GNG2: variants seen among roughly 807,000 people sequenced by gnomAD.
GNG2 encodes guanine nucleotide-binding protein G(I)/G(S)/G(O) subunit gamma-2.
In GNG2, 5 loss-of-function variants were observed where a neutral mutation model predicts 5.5. The ratio of observed to expected loss-of-function variants is 0.91; its 90% CI spans 0.48 to 1.92. GNG2 has a LOEUF of 1.92. Ranked by LOEUF, GNG2 falls within the 30% of genes most tolerant of loss-of-function variation. The pLI is 0.01. For missense variants in GNG2, 55 were observed against 88.4 expected (o/e 0.62, Z 1.52); for synonymous variants, 28 against 32.0 (o/e 0.88, Z 0.42).
intron 3 of GNG2, among the ~76,000 whole-genome samples, chr14:51,963,847 C>G (rs1450906347): frequency 6.6e-6 from 1 of 152,124 alleles, no homozygotes; most frequent in Non-Finnish European, 1.5e-5. Flanking sequence ...AACTCAATGT[C>G]TGGAACAAAA....
chr14:51,926,958 T>A (rs894071300), intron 2 of GNG2, among the ~76,000 whole-genome samples: 9 of 152,208 alleles, frequency 5.9e-5, no homozygotes, highest in African/African-American at 2.2e-4. Context: ...AAGTGGACAG[T>A]CAGTCCAGCA....
chr14:51,941,948 A>G (rs991487525), intron 2 of GNG2, among the ~76,000 whole-genome samples: 3 of 152,210 alleles, frequency 2.0e-5, no homozygotes, highest in Non-Finnish European at 4.4e-5. Context: ...ATTCTTTCAG[A>G]ATTCTATCAA....
At chr14:51,847,908 T>C (rs1225228822) in intron 2 of GNG2, among the ~76,000 whole-genome samples, 1 of 66,206 alleles carries the variant, frequency 1.5e-5, no homozygotes, top group Non-Finnish European at 3.5e-5. Flanking sequence ...TTTTTTTTTT[T>C]GTAAAATGAA....
intron 2 of GNG2, among the ~76,000 whole-genome samples, chr14:51,885,319 C>T (rs1884374820): frequency 6.6e-6 from 1 of 150,400 alleles, no homozygotes; most frequent in Non-Finnish European, 1.5e-5. Flanking sequence ...GGATGGTATT[C>T]ACTGATATGT....
At chr14:51,856,826 T>C (rs930592383), upstream of GNG2, among the ~76,000 whole-genome samples, 2 of 152,234 alleles carry the variant, frequency 1.3e-5, no homozygotes, top group African/African-American at 4.8e-5. Flanking sequence ...TCCCAGAATT[T>C]TTTAGGCTTG....
chr14:51,838,899 CCT>C (rs1199618979), intron 2 of GNG2, among the ~76,000 whole-genome samples: 1 of 151,966 alleles, frequency 6.6e-6, no homozygotes, highest in Non-Finnish European at 1.5e-5. Flanking sequence ...AGAGTGAGAC[CCT>C]GTCTCAAAAA....
At chr14:51,901,963 TAAAAAAAAA>T (rs34308582) in intron 2 of GNG2, among the ~76,000 whole-genome samples, 1,661 of 56,526 alleles carry the variant, frequency 0.029, 36 homozygotes, top group African/African-American at 0.11. Context: ...TAACAATCTG[TAAAAAAAAA>T]AAAAAAAAAA....
At chr14:51,852,073 A>G (rs951805714) in intron 2 of GNG2, among the ~76,000 whole-genome samples, 3 of 152,200 alleles carry the variant, frequency 2.0e-5, no homozygotes, top group African/African-American at 7.2e-5. Context: ...CGGTAAATAA[A>G]TGACTTGGCT....
chr14:51,922,969 G>A (rs983983631), intron 2 of GNG2, among the ~76,000 whole-genome samples: 1 of 152,324 alleles, frequency 6.6e-6, no homozygotes, highest in Non-Finnish European at 1.5e-5. Context: ...AGCCCCAGGA[G>A]CTCTGTCTTT....
chr14:51,832,771 T>G (rs775620357), intron 2 of GNG2, among the ~76,000 whole-genome samples: 14 of 152,238 alleles, frequency 9.2e-5, no homozygotes, highest in Non-Finnish European at 1.6e-4. Context: ...CCTCATGACC[T>G]CATGTAAATT....
At chr14:51,854,233 G>A (rs1882045806) in intron 2 of GNG2, among the ~76,000 whole-genome samples, 2 of 152,118 alleles carry the variant, frequency 1.3e-5, no homozygotes, top group East Asian at 1.9e-4. Context: ...GTTTTACTTC[G>A]CAGAATCAGT....
At chr14:51,836,552 C>G (rs776212370) in intron 2 of GNG2, among the ~76,000 whole-genome samples, 5 of 152,054 alleles carry the variant, frequency 3.3e-5, no homozygotes, top group Non-Finnish European at 7.4e-5. Flanking sequence ...TTTTAATATA[C>G]TGCCTGCCTC....
chr14:51,918,338 C>T (rs1886781881), intron 2 of GNG2, among the ~76,000 whole-genome samples: 1 of 152,044 alleles, frequency 6.6e-6, no homozygotes, highest in Non-Finnish European at 1.5e-5. Context: ...AGACATGAGT[C>T]CCAGCTGAGA....
chr14:51,951,921 C>G (rs1214654891), intron 3 of GNG2: 1 of 701,966 alleles, frequency 1.4e-6, no homozygotes, highest in Non-Finnish European at 2.6e-6. Context: ...AGCGATGGTT[C>G]TCAGCTCATC....
At chr14:51,882,103 GTA>G (rs1884116892) in intron 2 of GNG2, among the ~76,000 whole-genome samples, 1 of 152,170 alleles carries the variant, frequency 6.6e-6, no homozygotes, top group African/African-American at 2.4e-5. Flanking sequence ...AAATTAGAGA[GTA>G]AATGTAAATA....
intron 2 of GNG2, among the ~76,000 whole-genome samples, chr14:51,943,594 A>G (rs1445246900): frequency 1.3e-5 from 2 of 152,242 alleles, no homozygotes; most frequent in Non-Finnish European, 2.9e-5. Context: ...AACTCATGTG[A>G]AGGTAGAAGA....
chr14:51,951,062 A>T (rs2236561), intron 3 of GNG2, among the ~76,000 whole-genome samples: 3 of 151,816 alleles, frequency 2.0e-5, no homozygotes, highest in African/African-American at 7.3e-5. Context: ...ATATCAGCGC[A>T]CTAGTTCCCC....
chr14:51,883,727 G>A (rs535484623), intron 2 of GNG2, among the ~76,000 whole-genome samples: 2 of 152,122 alleles, frequency 1.3e-5, no homozygotes, highest in Admixed American at 6.5e-5. Flanking sequence ...TGGTAACTAG[G>A]GATATCTAGT....
intron 2 of GNG2, among the ~76,000 whole-genome samples, chr14:51,843,768 AG>A (rs1248710943): frequency 2.0e-5 from 3 of 152,132 alleles, no homozygotes; most frequent in Non-Finnish European, 4.4e-5. Context: ...TTGCCATGGA[AG>A]GTATTTCCTC....
Sources: allele counts gnomAD v4.1 joint callset (sites outside exome capture counted in the v4.1 genomes callset), GRCh38; gene constraint gnomAD v4.1.1; transcripts MANE v1.5; gene names NCBI Gene and HGNC (gene_info 2026-07-23, HGNC 2026-07-21).